Variants in ABCA8 observed in about 807,000 individuals in gnomAD.
ABCA8 encodes ATP binding cassette subfamily A member 8, also known as ABC-type organic anion transporter ABCA8.
ABCA8 carries 177 observed loss-of-function variants against 192.3 expected under a neutral mutation model. That is an observed-to-expected ratio of 0.92 (90% CI 0.81 to 1.04). The LOEUF (loss-of-function observed/expected upper bound fraction) is 1.04, where lower values mean the gene tolerates loss of function less well. ABCA8 is among the 50% of genes least tolerant of loss of function. The pLI is 0.00. For synonymous variants in ABCA8, 642 were observed against 690.2 expected, an observed-to-expected ratio of 0.93 and a Z score of 1.09; for missense variants, 1,915 against 1,904.8, an observed-to-expected ratio of 1.01 and a Z score of -0.10.
rs1403565694 is a variant in ABCA8 at position 68,922,190 on chromosome 17, CTCTCTTTTTTTTTTTTTTTTTTTTTTTT to C, written c.1501+24_1501+51del. The stretch of plus-strand genomic sequence containing the variant: ...AATATAACAAATATTTTCTTTCTCT[CTCTCTTTTTTTTTTTTTTTTTTTTTTTT>C]TTTTTTTTTTTTTTTTTTTTTACCT... On this transcript the variant is annotated intron_variant, in intron 12 of 39. Transcript: ENST00000586539. 5.3e-5 allele frequency: 34 copies of C among 639,732 alleles called. 1 individual carries two copies. The East Asian group carries it at 1.9e-3, about 35-fold the overall frequency. 39.6% of individuals were successfully genotyped at this position (639,732 alleles called of 1,614,324 possible).
chr17:68,891,494 A>G lies in ABCA8; in HGVS notation c.3139T>C (p.Tyr1047His), dbSNP rs1447065404. ...PYIAMSSIDD[Y>H]KNRARSQLRI... ...TTGCAATTACTCATTATTACCTTAT[A>G]ATCATCGATGCTGCTCATGGCAATG... Residue 1047 changes from tyrosine to histidine, a missense_variant, in exon 24 of 40, where the codon TAT becomes CAT. By Grantham distance (83) the Tyr-to-His change is moderately conservative. Coordinates refer to ENST00000586539, the MANE Select transcript of ABCA8 (RefSeq NM_001288985.2). 1 of 1,608,768 alleles carries G rather than the reference A, an allele frequency of 6.2e-7. No individual in the cohort carries two copies. The highest frequency in any genetic ancestry group is 1.3e-5 in the African/African-American group (1 of 74,812).
In ABCA8 at chr17:68,924,885, A is replaced by G; in HGVS notation, c.1274-16T>C. 6.2e-7 allele frequency: 1 copy of G among 1,611,660 alleles called. No individual in the cohort carries two copies. The highest frequency in any genetic ancestry group is 8.5e-7 in the Non-Finnish European group (1 of 1,179,094). On this transcript the variant is annotated splice_polypyrimidine_tract_variant and intron_variant, in intron 10 of 39. Coordinates refer to ENST00000586539, the MANE Select transcript of ABCA8 (RefSeq NM_001288985.2). ...CCATATTCATCTACATGGCCAGAAG[A>G]CAATTAAATATTGGGTCAATGACCA...
rs193014963 is a variant in ABCA8, at chr17:68,889,032, C to T, written c.3145-1526G>A. Among the ~76,000 whole-genome samples, 87 of 152,202 alleles carry T rather than the reference C, an allele frequency of 5.7e-4. No homozygotes were observed. The South Asian group carries it at 6.8e-3, about 12-fold the overall frequency. On this transcript the variant is annotated intron_variant, in intron 24 of 39. Transcript: ENST00000586539. ...CCAAAGAAAGTGTTCATGTTTCCTGCGGAGGAAGTTTTAAAGTTTGGATTA... is the reference window on the plus strand; with the variant it reads ...CCAAAGAAAGTGTTCATGTTTCCTGTGGAGGAAGTTTTAAAGTTTGGATTA...
chr17:68,902,034 GA>G (rs2066928792), intron 21 of ABCA8, among the ~76,000 whole-genome samples: 1 of 152,060 alleles, frequency 6.6e-6, no homozygotes, highest in Admixed American at 6.5e-5. Context: ...CAATTATTGG[GA>G]AAAAATATAT....
At chr17:68,922,748 G>A (rs1367010658) in intron 11 of ABCA8, among the ~76,000 whole-genome samples, 2 of 152,160 alleles carry the variant, frequency 1.3e-5, no homozygotes, top group East Asian at 1.9e-4. Context: ...AAGAACTACA[G>A]TAAGAAAGAC....
At chr17:68,938,602 A>G (rs370222427) in intron 4 of ABCA8, among the ~76,000 whole-genome samples, 17 of 152,320 alleles carry the variant, frequency 1.1e-4, no homozygotes, top group East Asian at 9.6e-4. Context: ...TTCACATACC[A>G]TAATATTCAC....
intron 35 of ABCA8, among the ~76,000 whole-genome samples, chr17:68,875,993 A>G (rs754836103): frequency 1.1e-4 from 17 of 152,210 alleles, no homozygotes; most frequent in Non-Finnish European, 2.2e-4. Flanking sequence ...AGTGCTAAGC[A>G]AGAGAGGCTT....
chr17:68,929,328 T>C (rs1294582810), intron 8 of ABCA8, 94 bp from the exon 9 acceptor site: 15 of 1,128,434 alleles, frequency 1.3e-5, no homozygotes, highest in Non-Finnish European at 1.7e-5. Flanking sequence ...ATTTTGTGTA[T>C]GTAACAGTTG....
chr17:68,947,990 G>A (rs938479257), intron 2 of ABCA8, among the ~76,000 whole-genome samples: 1 of 152,168 alleles, frequency 6.6e-6, no homozygotes, highest in Admixed American at 6.5e-5. Context: ...GTAAGAACAT[G>A]TGGTGTTTGG....
In ABCA8 at chr17:68,875,352, G is replaced by T; in HGVS notation, c.4539C>A (p.Tyr1513Ter). ...GGTTCTTCACCTTCATCTCCAGCAG[G>T]TAATCTTTGCCAAATTTGCTTTTCA... ...QHLKSKFGKDYLLEMKVKNLA... is the reference protein window; with the variant it reads ...QHLKSKFGKD Residue 1513 changes from tyrosine (Y) to a stop codon, truncating the protein, a stop_gained, in exon 37 of 40, where the codon TAC becomes TAA. Coordinates refer to ENST00000586539, the MANE Select transcript of ABCA8 (RefSeq NM_001288985.2). LOFTEE classifies it high-confidence loss of function. The T allele has an allele frequency of 1.9e-6, 3 of 1,614,030 alleles. No homozygotes were observed. Among genetic ancestry groups the T allele is most frequent in the Non-Finnish European group, 2.5e-6 (3 of 1,180,008 alleles).
chr17:68,952,762 C>G (rs1359581620), intron 1 of ABCA8, among the ~76,000 whole-genome samples: 2 of 152,110 alleles, frequency 1.3e-5, no homozygotes, highest in Non-Finnish European at 2.9e-5. Flanking sequence ...CATTATACTT[C>G]TATAGATAAC....
chr17:68,894,392 T>G (rs1019803035), intron 22 of ABCA8, 82 bp from the exon 23 acceptor site: 4 of 1,252,422 alleles, frequency 3.2e-6, no homozygotes, highest in Non-Finnish European at 4.4e-6. Context: ...CATGTTAAAT[T>G]AAGAGGTTAT....
chr17:68,924,344 C>CAAA (rs71293545), intron 11 of ABCA8, among the ~76,000 whole-genome samples: 21 of 130,850 alleles, frequency 1.6e-4, no homozygotes, highest in Non-Finnish European at 2.5e-4. Context: ...AAAATTCCGT[C>CAAA]AAAAAAAAAA....
intron 17 of ABCA8, among the ~76,000 whole-genome samples, chr17:68,914,317 A>C (rs929251648): frequency 8.5e-5 from 13 of 152,158 alleles, no homozygotes; most frequent in African/African-American, 3.1e-4. Context: ...AGAGGCAGAA[A>C]AAAATGGCAT....
Position 68,917,383 on chromosome 17 carries a change from A to G in ABCA8, c.2116T>C (p.Trp706Arg). The G allele has an allele frequency of 5.6e-6, 9 of 1,611,316 alleles. No individual in the cohort carries two copies. The highest frequency in any genetic ancestry group is 7.6e-6 in the Non-Finnish European group (9 of 1,178,306). Residue 706 changes from tryptophan (W) to arginine (R), a missense_variant, in exon 17 of 40, where the codon TGG (tryptophan) becomes CGG (arginine). Trp to Arg is a moderately radical substitution (Grantham distance 101). Coordinates refer to ENST00000586539, the MANE Select transcript of ABCA8 (RefSeq NM_001288985.2). Reference sequence around the variant, plus strand: ...TACCTTAAGTGATATCCAATCCCCCATTTCTTCTTTAGAAACAAAGAAGAG... The same window carrying G: ...TACCTTAAGTGATATCCAATCCCCCGTTTCTTCTTTAGAAACAAAGAAGAG... ...AGSSLFLKKK[W>R]GIGYHLSLQL...
intron 26 of ABCA8, among the ~76,000 whole-genome samples, chr17:68,886,094 T>A (rs1179930187): frequency 6.6e-6 from 1 of 152,176 alleles, no homozygotes; most frequent in Non-Finnish European, 1.5e-5. Flanking sequence ...GAAGCCCTCA[T>A]ATTTTACCTT....
chr17:68,887,925 T>TGTATATA, intron 24 of ABCA8, among the ~76,000 whole-genome samples: 1 of 101,032 alleles, frequency 9.9e-6, no homozygotes, highest in Non-Finnish European at 1.9e-5. Flanking sequence ...TATATATATA[T>TGTATATA]TATATATGGA....
At position 68,881,924 on chromosome 17, in the gene ABCA8, G is replaced by A. The variant is rs2066345659; in HGVS notation, c.3885C>T (p.Gly1295=). The A allele has an allele frequency of 2.5e-6, 4 of 1,614,008 alleles. No homozygotes were observed. Among genetic ancestry groups the A allele is most frequent in the Admixed American group, 3.3e-5 (2 of 60,008 alleles). ...LRKEYAGKRK[G]CFSKRKNKIA... is the part of the protein sequence containing the mutation. ...TCTTATTCTTCCTCTTGGAAAAACAGCCTTTCCTCTTCCCTGCATACTCCT... is the reference window on the plus strand; with the variant it reads ...TCTTATTCTTCCTCTTGGAAAAACAACCTTTCCTCTTCCCTGCATACTCCT... Residue 1295 remains glycine, a synonymous_variant, in exon 31 of 40, where the codon GGC becomes GGT. Coordinates refer to ENST00000586539, the MANE Select transcript of ABCA8 (RefSeq NM_001288985.2).
intron 17 of ABCA8, 108 bp from the exon 18 acceptor site, chr17:68,907,987 A>C: frequency 9.5e-7 from 1 of 1,055,428 alleles, no homozygotes; most frequent in Non-Finnish European, 1.2e-6. Flanking sequence ...ATTAAAATCT[A>C]ATGCCAGAAA....
Sources: gnomAD v4.1 joint callset for allele counts (sites outside exome capture counted in the v4.1 genomes callset) on GRCh38, gnomAD v4.1.1 for gene constraint, MANE v1.5 for transcripts, NCBI Gene and HGNC (gene_info 2026-07-23, HGNC 2026-07-21) for gene names.